The following XKR3 variants were observed in gnomAD, a reference collection of about 807,000 sequenced individuals.
XKR3 encodes the protein XK related 3.
A neutral mutation model predicts 40.3 loss-of-function variants in XKR3; 27 were observed. The ratio of observed to expected loss-of-function variants is 0.67; its 90% CI spans 0.49 to 0.92. The LOEUF (loss-of-function observed/expected upper bound fraction) is 0.92, where lower values mean the gene tolerates loss of function less well. XKR3 is among the 40% of genes least tolerant of loss of function. XKR3 has a pLI of 0.00. For synonymous variants in XKR3, 193 were observed against 195.4 expected (o/e 0.99, Z 0.10); for missense variants, 472 against 537.6 (o/e 0.88, Z 1.21).
At chr22:16,809,249 C>G (rs1430920818) in intron 1 of XKR3, among the ~76,000 whole-genome samples, 1 of 152,096 alleles carries the variant, frequency 6.6e-6, no homozygotes, top group African/African-American at 2.4e-5. Context: ...TCTATATGCA[C>G]TTATTTATTC....
At chr22:16,787,252 T>C (rs1404619928) in intron 3 of XKR3, among the ~76,000 whole-genome samples, 4 of 151,686 alleles carry the variant, frequency 2.6e-5, no homozygotes, top group African/African-American at 7.3e-5. Context: ...AGAACAAATG[T>C]ATTAGTCACT....
rs2060197638 is a variant in XKR3, at chr22:16,808,002, G to A, written c.72C>T (p.Val24=). 2 of 1,613,760 alleles carry A rather than the reference G, an allele frequency of 1.2e-6. No homozygotes were observed. Among genetic ancestry groups the A allele is most frequent in the Non-Finnish European group, 1.7e-6 (2 of 1,179,822 alleles). The part of the protein sequence containing the change: ...GGVSSSKEEI[V]LGQRLHLSFP... Reference sequence around the variant, plus strand: ...AGCTTAGATGGAGTCTCTGGCCAAGGACTATTTCTTCTTTCGAAGATGAAA... The same window carrying A: ...AGCTTAGATGGAGTCTCTGGCCAAGAACTATTTCTTCTTTCGAAGATGAAA... Residue 24 remains valine (V), a synonymous_variant, in exon 2 of 4, where the codon GTC becomes GTT. Transcript: ENST00000684488.
intron 1 of XKR3, among the ~76,000 whole-genome samples, chr22:16,821,415 T>C (rs1052936309): frequency 1.8e-4 from 27 of 152,062 alleles, no homozygotes; most frequent in African/African-American, 6.3e-4. Flanking sequence ...TTATAAGGAG[T>C]ATTTTTATTG....
Position 16,807,665 on chromosome 22 carries a change from A to C in XKR3, c.335+74T>G. On this transcript the variant is annotated intron_variant, in intron 2 of 3. Transcript: ENST00000684488. ...CGTAAACGATAATTATGGCATCCTT[A>C]ATCTTTTTAGCCATCTATTTATATT... 3 of 1,296,586 alleles carry C rather than the reference A, an allele frequency of 2.3e-6. No individual in the cohort carries two copies. The South Asian group carries it at 4.6e-5, about 20-fold the overall frequency. The allele number at this position is 1,296,586 out of a possible 1,614,324, so 80.3% of individuals were successfully genotyped here. A position where few individuals can be genotyped will look rare whatever the true frequency, so the allele number is the denominator to read the frequency against.
intron 1 of XKR3, among the ~76,000 whole-genome samples, chr22:16,813,012 C>T (rs1366205457): frequency 3.9e-5 from 6 of 152,076 alleles, no homozygotes; most frequent in Non-Finnish European, 8.8e-5. Context: ...GGGCCGGGCG[C>T]GGTGGCTCAC....
intron 3 of XKR3, among the ~76,000 whole-genome samples, chr22:16,789,252 T>C (rs2060103945): frequency 1.3e-5 from 2 of 152,148 alleles, no homozygotes; most frequent in South Asian, 2.1e-4. Flanking sequence ...TGATATTATA[T>C]GGAAATCCCT....
chr22:16,793,784 A>G (rs1178277299), intron 3 of XKR3, among the ~76,000 whole-genome samples: 2 of 152,228 alleles, frequency 1.3e-5, no homozygotes, highest in Non-Finnish European at 2.9e-5. Context: ...AATCAACCCA[A>G]GGAAGCCAAG....
chr22:16,821,827 A>G (rs2060257508), intron 1 of XKR3: 1 of 152,162 alleles, frequency 6.6e-6, no homozygotes, highest in Non-Finnish European at 1.5e-5. Flanking sequence ...TTGGACTTCA[A>G]TATGATTATT....
intron 1 of XKR3, among the ~76,000 whole-genome samples, chr22:16,820,459 A>G (rs2060250730): frequency 6.6e-6 from 1 of 152,134 alleles, no homozygotes; most frequent in Non-Finnish European, 1.5e-5. Context: ...AAATGACATG[A>G]ATGTTCATAC....
chr22:16,786,569 T>A (rs4819887), intron 3 of XKR3, among the ~76,000 whole-genome samples: 4 of 152,048 alleles, frequency 2.6e-5, no homozygotes, highest in African/African-American at 7.2e-5. Context: ...GGCAGCTGCA[T>A]GCCTTGAGTG....
In XKR3 at chr22:16,801,001, CTT is replaced by C. The variant is rs920322226; in HGVS notation, c.336-979_336-978del. 1.1e-3 allele frequency among the ~76,000 whole-genome samples: 160 copies of C among 152,082 alleles called. 1 individual carries two copies. The highest frequency in any genetic ancestry group is 3.7e-3 in the African/African-American group (154 of 41,526). On this transcript the variant is annotated intron_variant, in intron 2 of 3. Transcript: ENST00000684488. ...AATTCGATAATTGAAAAATAAATAACTTTAACAAAATTACAAAAAAATGTAGC... is the reference window on the plus strand; with the variant it reads ...AATTCGATAATTGAAAAATAAATAACTAACAAAATTACAAAAAAATGTAGC...
intron 2 of XKR3, among the ~76,000 whole-genome samples, chr22:16,806,378 T>A (rs2060189597): frequency 6.6e-6 from 1 of 151,924 alleles, no homozygotes; most frequent in African/African-American, 2.4e-5. Context: ...TATATTTATA[T>A]TTTTAAATTT....
rs2060141597 is a variant in XKR3, at chr22:16,796,518, T to C, written c.589+3253A>G. ...AAAAGCTAGTACACCACAATCACAG[T>C]AGGCTTTCTTCCTGGAATGCAAAGC... On this transcript the variant is annotated intron_variant, in intron 3 of 3. Transcript: ENST00000684488. Among the ~76,000 whole-genome samples, 5 of 152,284 alleles carry C rather than the reference T, an allele frequency of 3.3e-5. No individual in the cohort carries two copies. The South Asian group carries it at 1.0e-3, about 32-fold the overall frequency.
intron 1 of XKR3, among the ~76,000 whole-genome samples, chr22:16,810,396 T>C (rs1288689038): frequency 6.6e-6 from 1 of 152,214 alleles, no homozygotes; most frequent in Non-Finnish European, 1.5e-5. Flanking sequence ...GCATCATTTC[T>C]ATTAATCATC....
intron 2 of XKR3, among the ~76,000 whole-genome samples, chr22:16,801,403 G>C (rs924498362): frequency 6.6e-6 from 1 of 152,104 alleles, no homozygotes; most frequent in Non-Finnish European, 1.5e-5. Context: ...AATTAGCCTG[G>C]TGTGGTGGTG....
intron 3 of XKR3, among the ~76,000 whole-genome samples, chr22:16,785,092 C>A (rs1318877855): frequency 6.6e-6 from 1 of 151,934 alleles, no homozygotes; most frequent in Non-Finnish European, 1.5e-5. Context: ...CCGAGGCGGG[C>A]GGATCACGAG....
intron 2 of XKR3, among the ~76,000 whole-genome samples, chr22:16,806,215 T>A (rs1277578129): frequency 1.3e-5 from 2 of 148,994 alleles, no homozygotes; most frequent in African/African-American, 2.5e-5. Flanking sequence ...GCCAAGATTG[T>A]GTCAATGCAC....
At chr22:16,798,631 G>T (rs950107904) in intron 3 of XKR3, among the ~76,000 whole-genome samples, 9 of 152,148 alleles carry the variant, frequency 5.9e-5, no homozygotes, top group Non-Finnish European at 1.2e-4. Context: ...CTTTCGTATG[G>T]TTGCATAGTA....
intron 2 of XKR3, among the ~76,000 whole-genome samples, chr22:16,800,412 A>G (rs2060163858): frequency 6.6e-6 from 1 of 152,218 alleles, no homozygotes; most frequent in African/African-American, 2.4e-5. Context: ...CTCCAGAAAC[A>G]TACTATTCTG....
Sources: allele counts gnomAD v4.1 joint callset (sites outside exome capture counted in the v4.1 genomes callset), GRCh38; gene constraint gnomAD v4.1.1; transcripts MANE v1.5; gene names NCBI Gene and HGNC (gene_info 2026-07-23, HGNC 2026-07-21).